The following JARID2 variants were observed in gnomAD, a reference collection of about 807,000 sequenced individuals.
JARID2 encodes jumonji and AT-rich interaction domain containing 2.
Under a neutral mutation model 125.6 loss-of-function variants are expected in JARID2, and 21 were observed. The ratio of observed to expected loss-of-function variants is 0.17; its 90% confidence interval spans 0.12 to 0.24. The LOEUF is 0.24. Ranked by LOEUF, JARID2 falls within the 10% of genes least tolerant of loss-of-function variation. JARID2 has a pLI of 1.00. For synonymous variants in JARID2, 736 were observed against 661.6 expected (o/e 1.11, Z -1.73); for missense variants, 1,303 against 1,639.6 (o/e 0.79, Z 3.55).
In JARID2 at chr6:15,519,572, TACAA is replaced by T. The variant is rs1331638622; in HGVS notation, c.3559-493_3559-490del. On this transcript the variant is annotated intron_variant, in intron 17 of 17. Coordinates refer to ENST00000341776, the MANE Select transcript of JARID2 (RefSeq NM_004973.4). Reference sequence around the variant, plus strand: ...ATTATAGGATGTACTGTGTGAAAGTTACAAACACAGTTTTTGGTGCCGACAGATA... The same window carrying T: ...ATTATAGGATGTACTGTGTGAAAGTTACACAGTTTTTGGTGCCGACAGATA... Among the ~76,000 whole-genome samples, 7 of 152,356 alleles carry T rather than the reference TACAA, an allele frequency of 4.6e-5. No homozygotes were observed. The East Asian group carries it at 7.7e-4, about 17-fold the overall frequency.
chr6:15,323,930 C>A (rs1044123063), intron 1 of JARID2, among the ~76,000 whole-genome samples: 16 of 151,840 alleles, frequency 1.1e-4, no homozygotes, highest in Non-Finnish European at 2.1e-4. Context: ...TGCCTGTAAT[C>A]CCAGCATTTT....
At chr6:15,312,566 A>G (rs1302751960) in intron 1 of JARID2, among the ~76,000 whole-genome samples, 1 of 152,142 alleles carries the variant, frequency 6.6e-6, no homozygotes, top group East Asian at 1.9e-4. Flanking sequence ...ACTGTAGATT[A>G]GCTTTGCCTG....
chr6:15,248,823 G>C (rs1301862618), intron 1 of JARID2: 1 of 797,210 alleles, frequency 1.3e-6, no homozygotes, highest in Non-Finnish European at 1.5e-6. Flanking sequence ...GAGGCTCCAG[G>C]CGCGGCGGGG....
chr6:15,408,125 A>G (rs1765724206), intron 2 of JARID2, among the ~76,000 whole-genome samples: 1 of 152,102 alleles, frequency 6.6e-6, no homozygotes. Flanking sequence ...TTAGCTGGGC[A>G]TGGTGGCATG....
At position 15,374,262 on chromosome 6, in the gene JARID2, C is replaced by A; in HGVS notation, c.181+10C>A. 1 of 1,613,254 alleles carries A rather than the reference C, an allele frequency of 6.2e-7. No individual in the cohort carries two copies. The highest frequency in any genetic ancestry group is 8.5e-7 in the Non-Finnish European group (1 of 1,179,438). On this transcript the variant is annotated intron_variant, in intron 2 of 17. Coordinates refer to ENST00000341776, the MANE Select transcript of JARID2 (RefSeq NM_004973.4). ...CTGAAAACTGTGAATGGTGAGTTGA[C>A]TCTTGGAATATCTCATTGGAATGTA...
chr6:15,466,911 A>G (rs1009573764), intron 4 of JARID2, among the ~76,000 whole-genome samples: 2 of 152,210 alleles, frequency 1.3e-5, no homozygotes, highest in African/African-American at 4.8e-5. Context: ...TCCAGAATCT[A>G]CTTCTAAATG....
At chr6:15,324,484 T>A (rs904278064) in intron 1 of JARID2, 1 of 152,056 alleles carries the variant, frequency 6.6e-6, no homozygotes, top group African/African-American at 2.4e-5. Context: ...ATGACCCCCC[T>A]CCTTTTTCTT....
At chr6:15,434,411 GGAGA>G (rs572864623) in intron 3 of JARID2, among the ~76,000 whole-genome samples, 1 of 152,150 alleles carries the variant, frequency 6.6e-6, no homozygotes, top group Non-Finnish European at 1.5e-5. Context: ...GAGCTGATGG[GGAGA>G]GAGATTTTCA....
chr6:15,427,240 C>T (rs573209891), intron 3 of JARID2, among the ~76,000 whole-genome samples: 49 of 152,282 alleles, frequency 3.2e-4, no homozygotes, highest in African/African-American at 1.1e-3. Context: ...TGGAAGGAAT[C>T]GCAAAGCCTG....
At chr6:15,477,174 C>G (rs1176765221) in intron 5 of JARID2, among the ~76,000 whole-genome samples, 1 of 152,006 alleles carries the variant, frequency 6.6e-6, no homozygotes, top group East Asian at 1.9e-4. Context: ...TAGATTCATA[C>G]CGGGGGCATG....
At chr6:15,482,478 G>A (rs563756718) in intron 5 of JARID2, among the ~76,000 whole-genome samples, 12 of 152,232 alleles carry the variant, frequency 7.9e-5, no homozygotes, top group African/African-American at 1.9e-4. Context: ...AACACATATA[G>A]CATTTTTTAA....
rs550720372 is a variant in JARID2 at position 15,289,692 on chromosome 6, A to C, written c.45+43108A>C. Among the ~76,000 whole-genome samples, 3 of 152,278 alleles carry C rather than the reference A, an allele frequency of 2.0e-5. No homozygotes were observed. The South Asian group carries it at 6.2e-4, about 32-fold the overall frequency. ...ACAAGGTAAAACCCTGTCTCTACTAAAAATACACACGGGCGTGGTGGTGTA... is the reference window on the plus strand; with the variant it reads ...ACAAGGTAAAACCCTGTCTCTACTACAAATACACACGGGCGTGGTGGTGTA... On this transcript the variant is annotated intron_variant, in intron 1 of 17. Coordinates refer to ENST00000341776, the MANE Select transcript of JARID2 (RefSeq NM_004973.4).
At chr6:15,266,512 G>C (rs1236387728) in intron 1 of JARID2, among the ~76,000 whole-genome samples, 1 of 152,138 alleles carries the variant, frequency 6.6e-6, no homozygotes, top group Non-Finnish European at 1.5e-5. Context: ...GCAGTTTCAT[G>C]GTCATTGTTG....
At chr6:15,416,745 G>A (rs1300892510) in intron 3 of JARID2, among the ~76,000 whole-genome samples, 2 of 150,680 alleles carry the variant, frequency 1.3e-5, no homozygotes, top group Non-Finnish European at 2.9e-5. Context: ...AGGGAGAGGG[G>A]CTAACTTATA....
At chr6:15,449,815 T>C (rs1445877892) in intron 3 of JARID2, among the ~76,000 whole-genome samples, 1 of 152,200 alleles carries the variant, frequency 6.6e-6, no homozygotes, top group Non-Finnish European at 1.5e-5. Context: ...GGAATATTAT[T>C]AGACGGTGGT....
At chr6:15,436,151 T>G (rs1262266130) in intron 3 of JARID2, among the ~76,000 whole-genome samples, 1 of 152,164 alleles carries the variant, frequency 6.6e-6, no homozygotes, top group Non-Finnish European at 1.5e-5. Context: ...CGGCTTGTGT[T>G]AGCTCAATTA....
chr6:15,359,308 T>C (rs1344324754), intron 1 of JARID2, among the ~76,000 whole-genome samples: 2 of 152,234 alleles, frequency 1.3e-5, no homozygotes, highest in Non-Finnish European at 2.9e-5. Context: ...GCTGTATACT[T>C]TACTGTCCCA....
At chr6:15,442,083 TTTC>T in intron 3 of JARID2, among the ~76,000 whole-genome samples, 1 of 152,148 alleles carries the variant, frequency 6.6e-6, no homozygotes, top group East Asian at 1.9e-4. Context: ...TAGAATACAA[TTTC>T]TTCTTATATT....
chr6:15,372,866 G>T (rs939995587), intron 1 of JARID2, among the ~76,000 whole-genome samples: 73 of 152,066 alleles, frequency 4.8e-4, no homozygotes, highest in African/African-American at 1.6e-3. Flanking sequence ...GTGCCACCAC[G>T]CCTGGCTAGT....
Sources: allele counts gnomAD v4.1 joint callset (sites outside exome capture counted in the v4.1 genomes callset), GRCh38; gene constraint gnomAD v4.1.1; transcripts MANE v1.5; gene names NCBI Gene and HGNC (gene_info 2026-07-23, HGNC 2026-07-21).